HHAT: variants seen among roughly 807,000 people sequenced by gnomAD.
HHAT encodes the protein hedgehog acyltransferase.
A neutral mutation model predicts 70.8 loss-of-function variants in HHAT; 47 were observed. The observed-to-expected ratio is 0.66, with a 90% confidence interval of 0.53 to 0.85. The LOEUF is 0.85. Among genes scored for constraint, HHAT ranks in the 40% least tolerant of loss-of-function variants. HHAT has a pLI of 0.00. For synonymous variants in HHAT, 228 were observed against 247.6 expected, an observed-to-expected ratio of 0.92 and a Z score of 0.74; for missense variants, 609 against 604.8, an observed-to-expected ratio of 1.01 and a Z score of -0.07.
At chr1:210,391,849 C>G (rs1025653091) in intron 4 of HHAT, among the ~76,000 whole-genome samples, 1 of 152,108 alleles carries the variant, frequency 6.6e-6, no homozygotes, top group Non-Finnish European at 1.5e-5. Context: ...GCCTACCCTA[C>G]AGCCACCAGT....
chr1:210,415,711 C>A (rs1021844910), intron 6 of HHAT, among the ~76,000 whole-genome samples: 2 of 151,744 alleles, frequency 1.3e-5, no homozygotes, highest in Non-Finnish European at 2.9e-5. Flanking sequence ...CAGGGTGGAG[C>A]GCAGTGGTAC....
At position 210,400,623 on chromosome 1, in the gene HHAT, C is replaced by T; in HGVS notation, c.429C>T (p.Leu143=). ...QLLTWLCSLL[L]LSTLRLQGVE... ...TGACGTGGCTCTGTTCTCTCCTCCT[C>T]CTCTCCACACTGAGGCTGCAGGGTG... Residue 143 remains leucine, a synonymous_variant, in exon 5 of 12, where the codon CTC becomes CTT. Coordinates refer to ENST00000261458, the MANE Select transcript of HHAT (RefSeq NM_018194.6). 2 of 1,614,086 alleles carry T rather than the reference C, an allele frequency of 1.2e-6. No homozygotes were observed. The highest frequency in any genetic ancestry group is 1.7e-6 in the Non-Finnish European group (2 of 1,179,986).
In HHAT at chr1:210,365,846, C is replaced by T. The variant is rs927826224; in HGVS notation, c.159+2927C>T. Among the ~76,000 whole-genome samples the T allele has an allele frequency of 3.9e-5, 6 of 152,084 alleles. No homozygotes were observed. The South Asian group carries it at 6.2e-4, about 16-fold the overall frequency. ...GGCTAGGCTGGTCTCAAACTCCTGA[C>T]CTCAAGTGATCCACCTGCCTCAGCC... On this transcript the variant is annotated intron_variant, in intron 3 of 11. Transcript: ENST00000261458.
chr1:210,630,732 G>A (rs915924965), intron 11 of HHAT, among the ~76,000 whole-genome samples: 2 of 152,324 alleles, frequency 1.3e-5, no homozygotes, highest in African/African-American at 2.4e-5. Context: ...AGGCAGTAGG[G>A]TCCATCTCCC....
At chr1:210,567,369 C>T (rs922247526) in intron 9 of HHAT, among the ~76,000 whole-genome samples, 1 of 152,170 alleles carries the variant, frequency 6.6e-6, no homozygotes, top group Non-Finnish European at 1.5e-5. Context: ...TAAGTAACCT[C>T]TCTGAGCTTT....
At chr1:210,526,935 C>A (rs1307588915) in intron 9 of HHAT, among the ~76,000 whole-genome samples, 1 of 152,164 alleles carries the variant, frequency 6.6e-6, no homozygotes, top group African/African-American at 2.4e-5. Flanking sequence ...TAGATGGGGA[C>A]ACTAGGATAA....
At chr1:210,349,727 T>C (rs1025801224) in intron 2 of HHAT, among the ~76,000 whole-genome samples, 11 of 151,068 alleles carry the variant, frequency 7.3e-5, no homozygotes, top group African/African-American at 2.4e-4. Flanking sequence ...CTCGGCTCAC[T>C]GCAACCTCTG....
intron 6 of HHAT, among the ~76,000 whole-genome samples, chr1:210,405,321 T>G (rs2092285653): frequency 6.6e-6 from 1 of 152,132 alleles, no homozygotes; most frequent in Admixed American, 6.5e-5. Flanking sequence ...CTTTTCCCCC[T>G]TGTTTAGAAC....
chr1:210,461,656 G>A (rs1279132607), intron 7 of HHAT, among the ~76,000 whole-genome samples: 1 of 152,152 alleles, frequency 6.6e-6, no homozygotes, highest in Non-Finnish European at 1.5e-5. Flanking sequence ...CAGCAGAGTA[G>A]TGAAATCCAT....
chr1:210,530,921 G>T (rs1038167807), intron 9 of HHAT, among the ~76,000 whole-genome samples: 3 of 152,096 alleles, frequency 2.0e-5, no homozygotes, highest in Non-Finnish European at 4.4e-5. Context: ...GTTTTATAAG[G>T]ATATTATTTT....
chr1:210,547,969 G>A (rs1456249579), intron 9 of HHAT, among the ~76,000 whole-genome samples: 3 of 152,272 alleles, frequency 2.0e-5, no homozygotes, highest in Non-Finnish European at 4.4e-5. Context: ...TGTAGGGTGG[G>A]TATAAACAAC....
At chr1:210,617,825 C>G (rs149386729) in intron 10 of HHAT, among the ~76,000 whole-genome samples, 1 of 152,266 alleles carries the variant, frequency 6.6e-6, no homozygotes, top group East Asian at 1.9e-4. Flanking sequence ...CTGCATTGAC[C>G]TGATGTTGTT....
At position 210,674,247 on chromosome 1, in the gene HHAT, G is replaced by C. The variant is rs763177336; in HGVS notation, c.1391-41G>C. On this transcript the variant is annotated intron_variant, in intron 11 of 11. Transcript: ENST00000261458. ...GCCCATGTGGGATGTCCTGCCCCAAGCATTTCTAACTGCTCTTCCATCTCT... is the reference window on the plus strand; with the variant it reads ...GCCCATGTGGGATGTCCTGCCCCAACCATTTCTAACTGCTCTTCCATCTCT... The C allele has an allele frequency of 3.3e-6, 5 of 1,534,370 alleles. No individual in the cohort carries two copies. In the East Asian group the frequency reaches 6.7e-5, roughly 21 times the overall value.
chr1:210,668,518 G>A (rs181939722), intron 11 of HHAT, among the ~76,000 whole-genome samples: 1 of 152,292 alleles, frequency 6.6e-6, no homozygotes, highest in Admixed American at 6.5e-5. Context: ...TCTCTTGCCT[G>A]CCACCATGTA....
At chr1:210,450,688 A>G (rs1241663534) in intron 7 of HHAT, among the ~76,000 whole-genome samples, 1 of 151,880 alleles carries the variant, frequency 6.6e-6, no homozygotes, top group African/African-American at 2.4e-5. Flanking sequence ...TATTAAATAA[A>G]TATATAGATA....
At chr1:210,620,456 C>T (rs1365864340) in intron 10 of HHAT, among the ~76,000 whole-genome samples, 1 of 152,192 alleles carries the variant, frequency 6.6e-6, no homozygotes, top group Non-Finnish European at 1.5e-5. Context: ...TGTGGATGAA[C>T]CTGACAGATC....
intron 7 of HHAT, among the ~76,000 whole-genome samples, chr1:210,434,400 T>C (rs1185915040): frequency 6.6e-6 from 1 of 151,876 alleles, no homozygotes; most frequent in East Asian, 1.9e-4. Flanking sequence ...CTGAATTCTC[T>C]TAATATGCAG....
rs1681022957 is a variant in HHAT at position 210,676,093 on chromosome 1, T to C, written c.*1714T>C. The C allele has an allele frequency of 6.6e-6, 1 of 152,228 alleles. No homozygotes were observed. Among genetic ancestry groups the C allele is most frequent in the Non-Finnish European group, 1.5e-5 (1 of 68,048 alleles). The allele number at this position is 152,228 out of a possible 1,614,324, so 9.4% of individuals were successfully genotyped here. On this transcript the variant is annotated 3_prime_UTR_variant, in exon 12 of 12. Transcript: ENST00000261458. ...TGATGATAGGGAAGTGTCTAATGTATGTGCACATATAAGTAATACAAAAGT... is the reference window on the plus strand; with the variant it reads ...TGATGATAGGGAAGTGTCTAATGTACGTGCACATATAAGTAATACAAAAGT...
intron 1 of HHAT, 53 bp downstream of exon 1, chr1:210,329,157 C>T (rs868284207): frequency 7.3e-5 from 92 of 1,262,766 alleles, no homozygotes; most frequent in Middle Eastern, 6.0e-4. Context: ...GCTGAATTTT[C>T]TGCGTCAGTT....
Sources: allele counts gnomAD v4.1 joint callset (sites outside exome capture counted in the v4.1 genomes callset), GRCh38; gene constraint gnomAD v4.1.1; transcripts MANE v1.5; gene names NCBI Gene and HGNC (gene_info 2026-07-23, HGNC 2026-07-21).